CNOT9: variants seen among roughly 807,000 people sequenced by gnomAD.
CNOT9 encodes RCD1 required for cell differentiation1 homolog.
In CNOT9, 8 loss-of-function variants were observed where a neutral mutation model predicts 37.4. The ratio of observed to expected loss-of-function variants is 0.21; its 90% CI spans 0.13 to 0.39. CNOT9 has a LOEUF of 0.39. Ranked by LOEUF, CNOT9 falls within the 10% of genes least tolerant of loss-of-function variation. The pLI, the probability that CNOT9 is intolerant of heterozygous loss-of-function variation, is 1.00. For synonymous variants in CNOT9, 120 were observed against 137.6 expected (o/e 0.87, Z 0.90); for missense variants, 154 against 365.3 (o/e 0.42, Z 4.71).
intron 2 of CNOT9, 174 bp downstream of exon 2, chr2:218,580,914 C>G: frequency 1.4e-6 from 1 of 701,002 alleles, no homozygotes; most frequent in Non-Finnish European, 2.5e-6. Flanking sequence ...ATTCTTGGAT[C>G]CTTACCCAAG....
intron 2 of CNOT9, among the ~76,000 whole-genome samples, chr2:218,582,645 G>A (rs963882729): frequency 1.3e-5 from 2 of 151,824 alleles, no homozygotes; most frequent in East Asian, 1.9e-4. Context: ...AGTCAAGATC[G>A]TGCCACTGCA....
At chr2:218,569,642 C>T (rs1440972708) in intron 1 of CNOT9, among the ~76,000 whole-genome samples, 2 of 152,194 alleles carry the variant, frequency 1.3e-5, no homozygotes, top group East Asian at 1.9e-4. Flanking sequence ...ACTTAACCCA[C>T]GTTTATAATC....
rs1370244951 is a variant in CNOT9 at position 218,592,748 on chromosome 2, C to T, written c.731+41C>T. ...ATGTATAGGACTTTAGGGAAATACT[C>T]TGCTGAACAGTTTCCTAATCTCATG... On this transcript the variant is annotated intron_variant, in intron 7 of 7. Coordinates refer to ENST00000273064, the MANE Select transcript of CNOT9 (RefSeq NM_005444.3). The surrounding 1 kb of genome is among the most constrained non-coding windows in gnomAD (Gnocchi z 4.1). 2 of 1,501,056 alleles carry T rather than the reference C, an allele frequency of 1.3e-6. No individual in the cohort carries two copies. Among genetic ancestry groups the T allele is most frequent in the Middle Eastern group, 1.7e-4 (1 of 5,828 alleles). The allele number at this position is 1,501,056 out of a possible 1,614,324, so 93.0% of individuals were successfully genotyped here. A position where few individuals can be genotyped will look rare whatever the true frequency, so the allele number is the denominator to read the frequency against.
intron 2 of CNOT9, among the ~76,000 whole-genome samples, chr2:218,582,394 A>G (rs900189421): frequency 4.6e-5 from 7 of 152,132 alleles, no homozygotes; most frequent in African/African-American, 1.7e-4. Flanking sequence ...ATTTGCCTCC[A>G]CAGAAATCTT....
intron 3 of CNOT9, among the ~76,000 whole-genome samples, 195 bp downstream of exon 3, chr2:218,583,281 C>T (rs1326521778): frequency 1.7e-5 from 2 of 116,610 alleles, no homozygotes; most frequent in African/African-American, 3.5e-5. Flanking sequence ...CTCTCTCTCT[C>T]TCTCTCCTGG....
intron 3 of CNOT9, 83 bp downstream of exon 3, chr2:218,583,169 A>C: frequency 3.1e-6 from 2 of 640,220 alleles, no homozygotes; most frequent in Non-Finnish European, 5.3e-6. Context: ...AAGGAAGGGC[A>C]TGGAGGAGAG....
chr2:218,589,366 G>A (rs1318996597), intron 5 of CNOT9: 1 of 152,018 alleles, frequency 6.6e-6, no homozygotes, highest in South Asian at 2.1e-4. Context: ...TTAGAGACAG[G>A]ATCTCTGTCT....
At chr2:218,593,459 A>T in intron 7 of CNOT9, 4 of 933,180 alleles carry the variant, frequency 4.3e-6, no homozygotes, top group Middle Eastern at 2.6e-4. Context: ...AAAGAAAACT[A>T]GTCTGAGTGC....
intron 1 of CNOT9, among the ~76,000 whole-genome samples, chr2:218,569,774 A>G (rs2106074436): frequency 1.3e-5 from 2 of 152,274 alleles, no homozygotes; most frequent in South Asian, 4.1e-4. Flanking sequence ...TGTTCTTCTT[A>G]TCCCTCCTCC....
Position 218,592,495 on chromosome 2 carries a change from T to A in CNOT9, c.639+93T>A. The A allele has an allele frequency of 2.8e-6, 4 of 1,445,864 alleles. No homozygotes were observed. The highest frequency in any genetic ancestry group is 3.9e-6 in the Non-Finnish European group (4 of 1,026,698). The allele number at this position is 1,445,864 out of a possible 1,614,324, so 89.6% of individuals were successfully genotyped here. ...CATTGAACAACTTCAGTCCTCTGAC[T>A]AGAACTAACAATTTTGGAACCTTTT... is the stretch of plus-strand genomic sequence containing the variant. On this transcript the variant is annotated intron_variant, in intron 6 of 7. Transcript: ENST00000273064. The surrounding 1 kb of genome is among the most constrained non-coding windows in gnomAD (Gnocchi z 4.1).
Position 218,594,325 on chromosome 2 carries a change from G to A in CNOT9, c.*49G>A, listed in dbSNP as rs1440162372. 4 of 1,546,010 alleles carry A rather than the reference G, an allele frequency of 2.6e-6. No homozygotes were observed. The highest frequency in any genetic ancestry group is 3.5e-6 in the Non-Finnish European group (4 of 1,141,058). On this transcript the variant is annotated 3_prime_UTR_variant, in exon 8 of 8. Transcript: ENST00000273064. ...CTCCCCCAAGTTGGGGAAAGGAGGG[G>A]GAACCTACGAGAAAAACAGCTCAGG...
chr2:218,587,487 G>A, intron 4 of CNOT9, 99 bp from the exon 5 acceptor site: 1 of 1,329,150 alleles, frequency 7.5e-7, no homozygotes, highest in Non-Finnish European at 9.7e-7. Flanking sequence ...TTTGTGTTCT[G>A]TTATTTAAGT....
At chr2:218,571,574 C>CTT (rs34894382) in intron 1 of CNOT9, among the ~76,000 whole-genome samples, 2,600 of 142,608 alleles carry the variant, frequency 0.018, 83 homozygotes, top group East Asian at 0.098. Context: ...TTTTGTGATT[C>CTT]TTTTTTTTTT....
chr2:218,586,198 C>T (rs1046907977), intron 4 of CNOT9, among the ~76,000 whole-genome samples: 3 of 152,086 alleles, frequency 2.0e-5, no homozygotes, highest in African/African-American at 7.2e-5. Context: ...TAGAAATTGG[C>T]AGGCTGACTG....
At chr2:218,581,393 A>T (rs1167751649) in intron 2 of CNOT9, among the ~76,000 whole-genome samples, 1 of 150,138 alleles carries the variant, frequency 6.7e-6, no homozygotes, top group African/African-American at 2.5e-5. Flanking sequence ...GCTGATCTTG[A>T]ACTCCTGACC....
At position 218,594,390 on chromosome 2, in the gene CNOT9, C is replaced by T; in HGVS notation, c.*114C>T. The T allele has an allele frequency of 1.7e-6, 2 of 1,210,874 alleles. No individual in the cohort carries two copies. Among genetic ancestry groups the T allele is most frequent in the Non-Finnish European group, 1.1e-6 (1 of 870,204 alleles). 75.0% of individuals were successfully genotyped at this position (1,210,874 alleles called of 1,614,324 possible). A position where few individuals can be genotyped will look rare whatever the true frequency, so the allele number is the denominator to read the frequency against. ...GGGAATAGACAACCTCAATGCTGAA[C>T]CGCACTGGAGAAAAGGGGCAAGGTA... On this transcript the variant is annotated 3_prime_UTR_variant, in exon 8 of 8. Transcript: ENST00000273064.
At chr2:218,570,843 A>G (rs1559241229) in intron 1 of CNOT9, among the ~76,000 whole-genome samples, 1 of 152,326 alleles carries the variant, frequency 6.6e-6, no homozygotes, top group East Asian at 1.9e-4. Flanking sequence ...TCACGTTTTC[A>G]GTGCCTTACA....
At position 218,580,577 on chromosome 2, in the gene CNOT9, T is replaced by G; in HGVS notation, c.41T>G (p.Leu14Arg). 6.2e-7 allele frequency: 1 copy of G among 1,612,678 alleles called. No individual in the cohort carries two copies. Among genetic ancestry groups the G allele is most frequent in the Non-Finnish European group, 8.5e-7 (1 of 1,179,212 alleles). ...LATAAPVPTTLAQVDREKIYQ... is the reference protein window; with the variant it reads ...LATAAPVPTTRAQVDREKIYQ... ...CATCTGAAGCCTGTGCCTACTACAC[T>G]GGCACAAGTGGATAGAGAAAAGATC... Residue 14 changes from leucine (L) to arginine (R), a missense_variant, in exon 2 of 8, where the codon CTG becomes CGG. Physicochemically the swap from Leu to Arg is moderately radical, Grantham distance 102 (BLOSUM62 -2). Around this residue, in one of 2 missense-constraint regions of CNOT9, gnomAD observed 37 missense variants for 39.9 expected, o/e 0.93. Transcript: ENST00000273064.
In CNOT9 at chr2:218,580,553, A is replaced by C. The variant is rs1335812044; in HGVS notation, c.25-8A>C. 2.5e-6 allele frequency: 4 copies of C among 1,596,108 alleles called. No homozygotes were observed. In the Admixed American group the frequency reaches 7.1e-5, roughly 28 times the overall value. On this transcript the variant is annotated splice_region_variant and splice_polypyrimidine_tract_variant and intron_variant, in intron 1 of 7. Transcript: ENST00000273064. ...AACTGATATTTACTTTCTTGTCTTC[A>C]TCTGAAGCCTGTGCCTACTACACTG...
Sources: gnomAD v4.1 joint callset for allele counts (sites outside exome capture counted in the v4.1 genomes callset) on GRCh38, gnomAD v4.1.1 for gene constraint, gnomAD v4.1.1 regional missense constraint, Gnocchi (gnomAD v3.1) non-coding constraint, MANE v1.5 for transcripts, NCBI Gene and HGNC (gene_info 2026-07-23, HGNC 2026-07-21) for gene names.